Variants in ADCY8 observed in about 807,000 individuals in gnomAD.
The protein encoded by ADCY8 is adenylate cyclase 8, also known as adenylate cyclase type 8.
Under a neutral mutation model 119.7 loss-of-function variants are expected in ADCY8, and 51 were observed. The ratio of observed to expected loss-of-function variants is 0.43; its 90% CI spans 0.34 to 0.54. The LOEUF (loss-of-function observed/expected upper bound fraction) is 0.54. Ranked by LOEUF, ADCY8 falls within the 20% of genes least tolerant of loss-of-function variation. The probability of loss-of-function intolerance (pLI) is 0.03; values close to 1 mark genes in which losing one functional copy is unlikely to be tolerated. For synonymous variants in ADCY8, 665 were observed against 651.0 expected (o/e 1.02, Z -0.33); for missense variants, 1,383 against 1,598.8 (o/e 0.87, Z 2.30).
chr8:130,888,086 A>G, intron 7 of ADCY8, among the ~76,000 whole-genome samples: 1 of 151,848 alleles, frequency 6.6e-6, no homozygotes, highest in South Asian at 2.1e-4. Context: ...TATTAAATGG[A>G]CCTCCAAAAT....
chr8:131,034,091 A>C (rs1465443859), intron 1 of ADCY8, among the ~76,000 whole-genome samples: 1 of 152,072 alleles, frequency 6.6e-6, no homozygotes, highest in Non-Finnish European at 1.5e-5. Flanking sequence ...TTCCAGTCAT[A>C]CTCATTTAAT....
At position 131,040,287 on chromosome 8, in the gene ADCY8, T is replaced by C. The variant is rs547384867; in HGVS notation, c.47A>G (p.Tyr16Cys). 7 of 1,561,502 alleles carry C rather than the reference T, an allele frequency of 4.5e-6. No individual in the cohort carries two copies. The East Asian group carries it at 1.4e-4, about 31-fold the overall frequency. The change falls in exon 1 of 18, where the codon TAC (tyrosine) becomes TGC (cysteine). Residue 16 changes from tyrosine (Y) to cysteine (C), a missense_variant. By Grantham distance (194) the Tyr-to-Cys change is radical (BLOSUM62 -2). Coordinates refer to ENST00000286355, the MANE Select transcript of ADCY8 (RefSeq NM_001115.3). ...GGCCGGGGGCGTCGGGTGGATGGTG[T>C]AGAGTTCCTCGCTGCCTGTAAGGCA... is the stretch of plus-strand genomic sequence containing the variant. ...VRCLTGSEELYTIHPTPPAGD... is the reference protein window; with the variant it reads ...VRCLTGSEELCTIHPTPPAGD...
intron 1 of ADCY8, among the ~76,000 whole-genome samples, chr8:131,036,516 C>A (rs1013058431): frequency 2.6e-5 from 4 of 151,982 alleles, no homozygotes; most frequent in African/African-American, 9.7e-5. Flanking sequence ...TTCTACAGGC[C>A]GAGGATAAAA....
chr8:130,974,349 T>C (rs550896600), intron 2 of ADCY8, among the ~76,000 whole-genome samples: 1 of 152,278 alleles, frequency 6.6e-6, no homozygotes, highest in African/African-American at 2.4e-5. Context: ...CCAGCTGGAA[T>C]GGGGCATAAA....
In ADCY8 at chr8:130,992,425, A is replaced by ATATT. The variant is rs1403985925; in HGVS notation, c.961-1884_961-1883insAATA. 4.9e-4 allele frequency among the ~76,000 whole-genome samples: 61 copies of ATATT among 125,530 alleles called. 1 individual carries two copies. Among genetic ancestry groups the ATATT allele is most frequent in the African/African-American group, 2.1e-3 (60 of 29,252 alleles). 82.4% of individuals were successfully genotyped at this position (125,530 alleles called of 152,430 possible). A position where few individuals can be genotyped will look rare whatever the true frequency, so the allele number is the denominator to read the frequency against. On this transcript the variant is annotated intron_variant, in intron 1 of 17. Transcript: ENST00000286355. ...TATATATATATATATATATATATAT[A>ATATT]TATATTTGAGATAGGGTCTCACTCT...
intron 2 of ADCY8, among the ~76,000 whole-genome samples, chr8:130,965,741 A>G (rs189753669): frequency 6.6e-6 from 1 of 152,350 alleles, no homozygotes; most frequent in Admixed American, 6.5e-5. Context: ...GCTCAGCATT[A>G]TTTCAAAAGA....
rs150698439 is a variant in ADCY8, at chr8:130,780,788, G to A, written c.3358C>T (p.Arg1120Ter). The A allele has an allele frequency of 1.4e-4, 220 of 1,614,066 alleles. No homozygotes were observed. The highest frequency in any genetic ancestry group is 1.8e-4 in the Non-Finnish European group (208 of 1,180,020). ...IWGKTVNLAS[R>*]MDSTGVSGRI... ...CCACTAACCCCCGTGCTGTCCATTC[G>A]GCTTGCCAGGTTCACAGTTTTGCCC... The change falls in exon 18 of 18, where the codon CGA becomes TGA. Residue 1120 changes from arginine (R) to a stop codon, truncating the protein, a stop_gained. Transcript: ENST00000286355. LOFTEE classifies it high-confidence loss of function.
chr8:130,865,686 A>G (rs1325747867), intron 9 of ADCY8, among the ~76,000 whole-genome samples: 1 of 151,854 alleles, frequency 6.6e-6, no homozygotes, highest in African/African-American at 2.4e-5. Flanking sequence ...TATTTTTTTA[A>G]CTCTATAGAG....
At chr8:130,955,697 A>G (rs1821405607) in intron 2 of ADCY8, among the ~76,000 whole-genome samples, 1 of 152,240 alleles carries the variant, frequency 6.6e-6, no homozygotes, top group African/African-American at 2.4e-5. Flanking sequence ...TGAAAAATTA[A>G]GAAACTTTAC....
chr8:130,799,366 A>G (rs1400157361), intron 15 of ADCY8, among the ~76,000 whole-genome samples: 1 of 152,240 alleles, frequency 6.6e-6, no homozygotes, highest in Non-Finnish European at 1.5e-5. Context: ...CGATGTACAC[A>G]TATATCAAAA....
At chr8:130,921,058 C>T (rs949877276) in intron 5 of ADCY8, among the ~76,000 whole-genome samples, 1 of 152,240 alleles carries the variant, frequency 6.6e-6, no homozygotes, top group Admixed American at 6.5e-5. Context: ...CTAACACAAA[C>T]ACCTTCCTGT....
intron 7 of ADCY8, chr8:130,892,743 G>A (rs1356250770): frequency 6.6e-6 from 1 of 152,274 alleles, no homozygotes; most frequent in East Asian, 1.9e-4. Context: ...ATGTGGGCAA[G>A]TGGTCCGCTG....
rs374510420 is a variant in ADCY8, at chr8:130,780,373, AC to A, written c.*16del. Reference sequence around the variant, plus strand: ...TATAAAAGAAATACAAAAAAAAAAAACAGAAAGAAAATGCTTTTATGGCAAA... The same window carrying A: ...TATAAAAGAAATACAAAAAAAAAAAAAGAAAGAAAATGCTTTTATGGCAAA... On this transcript the variant is annotated 3_prime_UTR_variant, in exon 18 of 18. Transcript: ENST00000286355. 35 of 1,405,152 alleles carry A rather than the reference AC, an allele frequency of 2.5e-5. No homozygotes were observed. Among genetic ancestry groups the A allele is most frequent in the South Asian group, 8.2e-5 (4 of 48,512 alleles). 87.0% of individuals were successfully genotyped at this position (1,405,152 alleles called of 1,614,324 possible).
intron 9 of ADCY8, among the ~76,000 whole-genome samples, chr8:130,850,012 A>C (rs189269314): frequency 6.6e-6 from 1 of 152,180 alleles, no homozygotes; most frequent in Non-Finnish European, 1.5e-5. Flanking sequence ...TTGCAAAAAA[A>C]CAGAATATTT....
intron 1 of ADCY8, among the ~76,000 whole-genome samples, chr8:130,995,367 G>A (rs1822741757): frequency 6.6e-6 from 1 of 152,010 alleles, no homozygotes; most frequent in African/African-American, 2.4e-5. Context: ...TAAGTTATTG[G>A]GTAATGCTGG....
At chr8:130,846,929 TTCCTTCCTTC>T (rs1192107230) in intron 11 of ADCY8, among the ~76,000 whole-genome samples, 1 of 133,602 alleles carries the variant, frequency 7.5e-6, no homozygotes, top group East Asian at 2.5e-4. Context: ...CCTTCCTTCC[TTCCTTCCTTC>T]TCCTTCCTTC....
intron 12 of ADCY8, among the ~76,000 whole-genome samples, chr8:130,835,399 G>A (rs1448719588): frequency 2.0e-5 from 3 of 152,188 alleles, no homozygotes; most frequent in Admixed American, 1.3e-4. Flanking sequence ...AAATGGCTCT[G>A]CGAGTGGATT....
intron 7 of ADCY8, among the ~76,000 whole-genome samples, chr8:130,888,874 T>C (rs7819655): frequency 0.47 from 71,406 of 151,920 alleles, 18,359 homozygotes; most frequent in East Asian, 0.62. Flanking sequence ...TGTCATAAAA[T>C]TTGGTATTCA....
Position 130,951,877 on chromosome 8 carries a change from T to C in ADCY8, c.1232A>G (p.Glu411Gly), listed in dbSNP as rs751251443. Residue 411 changes from glutamate (E) to glycine (G), a missense_variant, in exon 3 of 18, where the codon GAG becomes GGG. Physicochemically the swap from Glu to Gly is moderately conservative, Grantham distance 98. Coordinates refer to ENST00000286355, the MANE Select transcript of ADCY8 (RefSeq NM_001115.3). ...QFHRIYIHRY[E>G]NVSILFADVK... is the part of the protein sequence containing the mutation. ...GTGTTGTGTTTCTCACCTGACGTTC[T>C]CATAGCGATGGATGTAGATCCGATG... 6.2e-7 allele frequency: 1 copy of C among 1,614,058 alleles called. No homozygotes were observed. Among genetic ancestry groups the C allele is most frequent in the East Asian group, 2.2e-5 (1 of 44,870 alleles).
Sources: allele counts gnomAD v4.1 joint callset (sites outside exome capture counted in the v4.1 genomes callset), GRCh38; gene constraint gnomAD v4.1.1; transcripts MANE v1.5; gene names NCBI Gene and HGNC (gene_info 2026-07-23, HGNC 2026-07-21).